MAP4K3: variants seen among roughly 807,000 people sequenced by gnomAD.
MAP4K3 encodes mitogen-activated protein kinase kinase kinase kinase 3, also known as MAPK/ERK kinase kinase kinase 3.
A neutral mutation model predicts 143.5 loss-of-function variants in MAP4K3; 94 were observed. The ratio of observed to expected loss-of-function variants is 0.65; its 90% CI spans 0.55 to 0.78. MAP4K3 has a LOEUF of 0.78. Ranked by LOEUF, MAP4K3 falls within the 30% of genes least tolerant of loss-of-function variation. The probability of loss-of-function intolerance (pLI) is 0.00; values close to 1 mark genes in which losing one functional copy is unlikely to be tolerated. For synonymous variants in MAP4K3, 416 were observed against 347.2 expected (o/e 1.20, Z -2.20); for missense variants, 1,077 against 1,068.1 (o/e 1.01, Z -0.12).
intron 2 of MAP4K3, among the ~76,000 whole-genome samples, chr2:39,371,742 A>G (rs1666085621): frequency 6.6e-6 from 1 of 151,990 alleles, no homozygotes; most frequent in Admixed American, 6.6e-5. Context: ...CTATATCAGA[A>G]AAAAAAGATT....
At chr2:39,345,039 T>A (rs929459168) in intron 3 of MAP4K3, among the ~76,000 whole-genome samples, 2 of 152,126 alleles carry the variant, frequency 1.3e-5, no homozygotes, top group Non-Finnish European at 2.9e-5. Flanking sequence ...AAAAATCAAG[T>A]ACTAAGATTC....
At chr2:39,417,746 C>T (rs976538301) in intron 1 of MAP4K3, among the ~76,000 whole-genome samples, 1 of 152,196 alleles carries the variant, frequency 6.6e-6, no homozygotes, top group Non-Finnish European at 1.5e-5. Flanking sequence ...GAATCAATGA[C>T]ACGCCAACAG....
chr2:39,284,539 T>A (rs1681680495), intron 21 of MAP4K3, among the ~76,000 whole-genome samples: 1 of 152,036 alleles, frequency 6.6e-6, no homozygotes, highest in Non-Finnish European at 1.5e-5. Flanking sequence ...TAGAACTGGT[T>A]GTAAATATTA....
chr2:39,276,839 G>C (rs533634379), intron 24 of MAP4K3, among the ~76,000 whole-genome samples: 7 of 152,264 alleles, frequency 4.6e-5, no homozygotes. Context: ...CCCATACTGG[G>C]GGAGAGGAGG....
At chr2:39,289,740 A>G (rs746054544) in intron 19 of MAP4K3, among the ~76,000 whole-genome samples, 4 of 152,256 alleles carry the variant, frequency 2.6e-5, no homozygotes, top group Non-Finnish European at 5.9e-5. Context: ...ACACTAATCC[A>G]TTAATACAAT....
chr2:39,363,561 T>C (rs561612583), intron 2 of MAP4K3, among the ~76,000 whole-genome samples: 9 of 150,390 alleles, frequency 6.0e-5, no homozygotes, highest in Non-Finnish European at 1.2e-4. Context: ...CCCAGGTACT[T>C]TGGAGACTGA....
rs17023530 is a variant in MAP4K3 at position 39,272,473 on chromosome 2, T to C, written c.1855+9A>G. ...CAATTGTAAGGTATTTAAAAACTAA[T>C]ATACTTACCAGATATTGATAGCAAG... On this transcript the variant is annotated intron_variant, in intron 25 of 33. Transcript: ENST00000263881. 1 of 1,608,528 alleles carries C rather than the reference T, an allele frequency of 6.2e-7. No individual in the cohort carries two copies. Among genetic ancestry groups the C allele is most frequent in the Admixed American group, 1.7e-5 (1 of 59,986 alleles).
intron 1 of MAP4K3, among the ~76,000 whole-genome samples, chr2:39,391,870 C>T (rs555137124): frequency 6.6e-6 from 1 of 152,096 alleles, no homozygotes; most frequent in African/African-American, 2.4e-5. Flanking sequence ...CAAAAAGTCT[C>T]CTGGACATCA....
intron 2 of MAP4K3, among the ~76,000 whole-genome samples, chr2:39,369,423 A>C (rs1352605247): frequency 6.6e-6 from 1 of 151,972 alleles, no homozygotes; most frequent in Admixed American, 6.6e-5. Context: ...CTGGGATTAC[A>C]GGCGTGAGCT....
chr2:39,400,785 A>G (rs1666933944), intron 1 of MAP4K3, among the ~76,000 whole-genome samples: 1 of 152,206 alleles, frequency 6.6e-6, no homozygotes, highest in African/African-American at 2.4e-5. Context: ...GTAATACAGT[A>G]ATTTTCAGCT....
chr2:39,411,353 T>C (rs894953809), intron 1 of MAP4K3, among the ~76,000 whole-genome samples: 1 of 152,182 alleles, frequency 6.6e-6, no homozygotes, highest in Non-Finnish European at 1.5e-5. Flanking sequence ...TATTCCAGAT[T>C]GAGTGTACCA....
intron 32 of MAP4K3, among the ~76,000 whole-genome samples, chr2:39,252,241 G>C (rs568970110): frequency 1.3e-5 from 2 of 152,340 alleles, no homozygotes; most frequent in African/African-American, 4.8e-5. Flanking sequence ...AAGCTACTTA[G>C]ATCTGCTTCT....
At chr2:39,395,787 C>G (rs1295893716) in intron 1 of MAP4K3, among the ~76,000 whole-genome samples, 1 of 152,154 alleles carries the variant, frequency 6.6e-6, no homozygotes, top group East Asian at 1.9e-4. Context: ...CTGGAAAACA[C>G]TATCAAATAA....
intron 21 of MAP4K3, among the ~76,000 whole-genome samples, chr2:39,285,768 A>C (rs573088239): frequency 8.5e-5 from 13 of 152,296 alleles, no homozygotes; most frequent in African/African-American, 2.2e-4. Flanking sequence ...GTATATACAA[A>C]AACTTCCAAA....
chr2:39,306,108 A>G lies in MAP4K3; in HGVS notation c.1119+1835T>C, dbSNP rs1447834191. Among the ~76,000 whole-genome samples the G allele has an allele frequency of 3.3e-5, 5 of 152,100 alleles. No homozygotes were observed. In the South Asian group the frequency reaches 6.2e-4, roughly 19 times the overall value. Reference sequence around the variant, plus strand: ...CTCCCAAACTGCTGGGATTACAGGCATGAGCCACCGTGCCCGGCTGAGTAT... The same window carrying G: ...CTCCCAAACTGCTGGGATTACAGGCGTGAGCCACCGTGCCCGGCTGAGTAT... On this transcript the variant is annotated intron_variant, in intron 15 of 33. Transcript: ENST00000263881.
chr2:39,270,145 A>T (rs1237659810), intron 26 of MAP4K3, among the ~76,000 whole-genome samples: 18 of 152,196 alleles, frequency 1.2e-4, no homozygotes. Context: ...AGGAGGATTA[A>T]CTGCCAAGTT....
intron 1 of MAP4K3, among the ~76,000 whole-genome samples, chr2:39,435,067 T>C (rs915269414): frequency 2.6e-5 from 4 of 152,178 alleles, no homozygotes; most frequent in East Asian, 3.8e-4. Flanking sequence ...AACGTATACA[T>C]TCATCGAGTT....
At chr2:39,409,246 T>C (rs1667173625) in intron 1 of MAP4K3, among the ~76,000 whole-genome samples, 2 of 152,228 alleles carry the variant, frequency 1.3e-5, no homozygotes. Context: ...ACACAATACA[T>C]ATAAGAAATA....
intron 1 of MAP4K3, among the ~76,000 whole-genome samples, chr2:39,432,042 C>G (rs1368205716): frequency 1.3e-5 from 2 of 152,196 alleles, no homozygotes; most frequent in Non-Finnish European, 2.9e-5. Context: ...GTTCTGATCT[C>G]AAACTATGAC....
Sources: gnomAD v4.1 joint callset for allele counts (sites outside exome capture counted in the v4.1 genomes callset) on GRCh38, gnomAD v4.1.1 for gene constraint, MANE v1.5 for transcripts, NCBI Gene and HGNC (gene_info 2026-07-23, HGNC 2026-07-21) for gene names.